The following CDH6 variants were observed in gnomAD, a reference collection of about 807,000 sequenced individuals.
CDH6 encodes cadherin-6.
Under a neutral mutation model 78.0 loss-of-function variants are expected in CDH6, and 31 were observed. That is an observed-to-expected ratio of 0.40 (90% CI 0.30 to 0.54). The LOEUF (loss-of-function observed/expected upper bound fraction) is 0.54. CDH6 is among the 20% of genes least tolerant of loss of function. The pLI is 0.56. For missense variants in CDH6, 724 were observed against 975.9 expected (o/e 0.74, Z 3.44); for synonymous variants, 376 against 368.8 (o/e 1.02, Z -0.23).
rs76176770 is a variant in CDH6 at position 31,286,330 on chromosome 5, A to G, written c.229-7632A>G. 8.2e-4 allele frequency among the ~76,000 whole-genome samples: 125 copies of G among 152,276 alleles called. 1 individual carries two copies. The East Asian group carries it at 0.022, about 27-fold the overall frequency. On this transcript the variant is annotated intron_variant, in intron 2 of 11. Coordinates refer to ENST00000265071, the MANE Select transcript of CDH6 (RefSeq NM_004932.4). The stretch of plus-strand genomic sequence containing the variant: ...TAAGTGGGGAATGAATTGATTGCAT[A>G]TAGGAGGAGACTGTAACTTAGACCA...
intron 11 of CDH6, among the ~76,000 whole-genome samples, chr5:31,320,325 A>T (rs1309754032): frequency 2.0e-5 from 3 of 152,190 alleles, no homozygotes; most frequent in Non-Finnish European, 4.4e-5. Flanking sequence ...TGATTTTTTG[A>T]AAGTGCCCTC....
rs1299358890 is a variant in CDH6 at position 31,294,345 on chromosome 5, G to T, written c.523+89G>T. On this transcript the variant is annotated intron_variant, in intron 3 of 11. Coordinates refer to ENST00000265071, the MANE Select transcript of CDH6 (RefSeq NM_004932.4). This position sits in a 1 kb window ranked among gnomAD's most constrained non-coding sequence, Gnocchi z 4.1. Reference sequence around the variant, plus strand: ...TCCCACGAGCTCAAAGTACTGAACTGCATGAATTTAGATGCTAACTTCTTC... The same window carrying T: ...TCCCACGAGCTCAAAGTACTGAACTTCATGAATTTAGATGCTAACTTCTTC... The T allele has an allele frequency of 4.8e-6, 5 of 1,038,694 alleles. No individual in the cohort carries two copies. The highest frequency in any genetic ancestry group is 7.2e-6 in the Non-Finnish European group (5 of 695,102). 64.3% of individuals were successfully genotyped at this position (1,038,694 alleles called of 1,614,324 possible). A position where few individuals can be genotyped will look rare whatever the true frequency, so the allele number is the denominator to read the frequency against.
At chr5:31,304,683 C>CAA (rs11398035) in intron 6 of CDH6, among the ~76,000 whole-genome samples, 937 of 66,492 alleles carry the variant, frequency 0.014, 29 homozygotes, top group Middle Eastern at 0.018. Flanking sequence ...GACTCCGTCT[C>CAA]AAAAAAAAAA....
chr5:31,320,978 T>TA (rs3028833), intron 11 of CDH6, among the ~76,000 whole-genome samples: 1,854 of 140,130 alleles, frequency 0.013, 28 homozygotes, highest in African/African-American at 0.041. Flanking sequence ...GATTCTGTCT[T>TA]AAAAAAAAAA....
At chr5:31,284,354 C>T (rs1419330794) in intron 2 of CDH6, among the ~76,000 whole-genome samples, 1 of 152,208 alleles carries the variant, frequency 6.6e-6, no homozygotes, top group African/African-American at 2.4e-5. Flanking sequence ...ACTTCACATT[C>T]CTGGATGTCA....
chr5:31,285,700 G>A (rs1021585860), intron 2 of CDH6, among the ~76,000 whole-genome samples: 5 of 152,124 alleles, frequency 3.3e-5, no homozygotes, highest in African/African-American at 1.2e-4. Flanking sequence ...ATATAGTTCG[G>A]TAAAATCTTG....
chr5:31,224,204 G>A (rs1561030479), intron 1 of CDH6, among the ~76,000 whole-genome samples: 1 of 152,218 alleles, frequency 6.6e-6, no homozygotes, highest in East Asian at 1.9e-4. Flanking sequence ...ATGGATGGCA[G>A]TAGGCAAAGA....
At chr5:31,249,169 A>T (rs1172456795) in intron 1 of CDH6, 1 of 152,222 alleles carries the variant, frequency 6.6e-6, no homozygotes, top group East Asian at 1.9e-4. Context: ...TGGGGAAAAA[A>T]AGGTGAGCCT....
At chr5:31,282,888 T>A (rs907276181) in intron 2 of CDH6, among the ~76,000 whole-genome samples, 1 of 151,892 alleles carries the variant, frequency 6.6e-6, no homozygotes, top group Non-Finnish European at 1.5e-5. Flanking sequence ...AAACAAAAAA[T>A]TGAATTGAGT....
At chr5:31,286,957 G>A (rs568153254) in intron 2 of CDH6, among the ~76,000 whole-genome samples, 1 of 152,270 alleles carries the variant, frequency 6.6e-6, no homozygotes, top group Admixed American at 6.5e-5. Context: ...GGCCTAGGAT[G>A]ACTCCCTGGT....
In CDH6 at chr5:31,224,258, A is replaced by G. The variant is rs993992444; in HGVS notation, c.-129+30372A>G. On this transcript the variant is annotated intron_variant, in intron 1 of 11. Coordinates refer to ENST00000265071, the MANE Select transcript of CDH6 (RefSeq NM_004932.4). Reference sequence around the variant, plus strand: ...GAACTCCTCTTTATAAAACCATCAGATCTCATGAGACTTATTCACTATCGT... The same window carrying G: ...GAACTCCTCTTTATAAAACCATCAGGTCTCATGAGACTTATTCACTATCGT... Among the ~76,000 whole-genome samples the G allele has an allele frequency of 6.6e-5, 10 of 152,244 alleles. No homozygotes were observed. The South Asian group carries it at 1.2e-3, about 19-fold the overall frequency.
At chr5:31,316,877 TTC>T (rs1738340940) in intron 9 of CDH6, among the ~76,000 whole-genome samples, 1 of 152,244 alleles carries the variant, frequency 6.6e-6, no homozygotes, top group Admixed American at 6.5e-5. Flanking sequence ...TTCTATATAC[TTC>T]TTTTTCATTT....
In CDH6 at chr5:31,267,438, G is replaced by A; in HGVS notation, c.-36G>A. 1 of 1,501,786 alleles carries A rather than the reference G, an allele frequency of 6.7e-7. No individual in the cohort carries two copies. Among genetic ancestry groups the A allele is most frequent in the Non-Finnish European group, 9.3e-7 (1 of 1,078,482 alleles). 93.0% of individuals were successfully genotyped at this position (1,501,786 alleles called of 1,614,324 possible). On this transcript the variant is annotated 5_prime_UTR_variant, in exon 2 of 12. Coordinates refer to ENST00000265071, the MANE Select transcript of CDH6 (RefSeq NM_004932.4). ...TGAAAAAGGCACTTCCAAGAGTGGG[G>A]CACTCACTACGCACAGACTCGACGG...
rs574000693 is a variant in CDH6, at chr5:31,328,096, A to G, written c.*4788A>G. ...AAGGCTCTTACCCGCTGTATTTCAGACAGGACTGAGGCACTTAGCCGAGGA... is the reference window on the plus strand; with the variant it reads ...AAGGCTCTTACCCGCTGTATTTCAGGCAGGACTGAGGCACTTAGCCGAGGA... On this transcript the variant is annotated 3_prime_UTR_variant, in exon 12 of 12. Coordinates refer to ENST00000265071, the MANE Select transcript of CDH6 (RefSeq NM_004932.4). The G allele has an allele frequency of 1.4e-5, 3 of 215,968 alleles. No individual in the cohort carries two copies. Among genetic ancestry groups the G allele is most frequent in the East Asian group, 6.8e-5 (1 of 14,758 alleles). The allele number at this position is 215,968 out of a possible 1,614,324, so 13.4% of individuals were successfully genotyped here. A position where few individuals can be genotyped will look rare whatever the true frequency, so the allele number is the denominator to read the frequency against.
At chr5:31,302,319 C>G (rs776641966) in intron 6 of CDH6, 21 bp downstream of exon 6, 1 of 1,583,930 alleles carries the variant, frequency 6.3e-7, no homozygotes, top group South Asian at 1.1e-5. Flanking sequence ...TTCTTAAACA[C>G]CATACAGAGT....
chr5:31,319,379 G>T (rs1738416068), intron 11 of CDH6, among the ~76,000 whole-genome samples: 1 of 152,144 alleles, frequency 6.6e-6, no homozygotes, highest in Admixed American at 6.5e-5. Context: ...AGAAAAATGG[G>T]ATTTAGCCTT....
chr5:31,245,122 A>T (rs1212878505), intron 1 of CDH6, among the ~76,000 whole-genome samples: 1 of 152,198 alleles, frequency 6.6e-6, no homozygotes, highest in Non-Finnish European at 1.5e-5. Flanking sequence ...AGCAAGTCCC[A>T]GTGGAGGAGG....
chr5:31,298,566 T>C (rs542908571), intron 4 of CDH6, among the ~76,000 whole-genome samples: 4 of 152,332 alleles, frequency 2.6e-5, no homozygotes, highest in Non-Finnish European at 4.4e-5. Context: ...GTATTCTTGT[T>C]AAAAATTTTA....
chr5:31,247,846 C>A lies in CDH6; in HGVS notation c.-128-19500C>A, dbSNP rs899638790. ...AGGTTTATATAAAGTGTGGCTGACTCTAATTGCATTAGCAAAATAAAGGAT... is the reference window on the plus strand; with the variant it reads ...AGGTTTATATAAAGTGTGGCTGACTATAATTGCATTAGCAAAATAAAGGAT... On this transcript the variant is annotated intron_variant, in intron 1 of 11. Coordinates refer to ENST00000265071, the MANE Select transcript of CDH6 (RefSeq NM_004932.4). 2.6e-5 allele frequency among the ~76,000 whole-genome samples: 4 copies of A among 152,250 alleles called. No individual in the cohort carries two copies. In the East Asian group the frequency reaches 7.7e-4, roughly 29 times the overall value.
Sources: gnomAD v4.1 joint callset for allele counts (sites outside exome capture counted in the v4.1 genomes callset) on GRCh38, gnomAD v4.1.1 for gene constraint, Gnocchi (gnomAD v3.1) non-coding constraint, MANE v1.5 for transcripts, NCBI Gene and HGNC (gene_info 2026-07-23, HGNC 2026-07-21) for gene names.